The following ZHX1 variants were observed in gnomAD, a reference collection of about 807,000 sequenced individuals.
ZHX1 encodes zinc fingers and homeoboxes 1.
Under a neutral mutation model 61.8 loss-of-function variants are expected in ZHX1, and 20 were observed. That is an observed-to-expected ratio of 0.32 (90% CI 0.23 to 0.47). The LOEUF (loss-of-function observed/expected upper bound fraction) is 0.47. Among genes scored for constraint, ZHX1 ranks in the 20% least tolerant of loss-of-function variants. The pLI, the probability that ZHX1 is intolerant of heterozygous loss-of-function variation, is 1.00. For synonymous variants in ZHX1, 318 were observed against 352.6 expected, an observed-to-expected ratio of 0.90 and a Z score of 1.10; for missense variants, 800 against 1,034.8, an observed-to-expected ratio of 0.77 and a Z score of 3.11.
upstream of ZHX1, among the ~76,000 whole-genome samples, chr8:123,275,065 A>G (rs970051903): frequency 7.2e-5 from 11 of 152,256 alleles, no homozygotes; most frequent in Non-Finnish European, 1.0e-4. Context: ...GTTCAGCTGC[A>G]CTCAGAACCG....
At chr8:123,268,780 T>G (rs1222458022) in intron 1 of ZHX1, among the ~76,000 whole-genome samples, 1 of 152,190 alleles carries the variant, frequency 6.6e-6, no homozygotes, top group Non-Finnish European at 1.5e-5. Flanking sequence ...GCATGATCCC[T>G]AACCGGCCTT....
chr8:123,274,769 G>C (rs1473689463), upstream of ZHX1, among the ~76,000 whole-genome samples: 1 of 152,146 alleles, frequency 6.6e-6, no homozygotes, highest in Non-Finnish European at 1.5e-5. Context: ...GGTCAGCACA[G>C]AAGGCAGCCC....
Position 123,254,442 on chromosome 8 carries a change from C to G in ZHX1, c.1505G>C (p.Gly502Ala). Residue 502 changes from glycine (G) to alanine (A), a missense_variant, in exon 3 of 4, where the codon GGC becomes GCC. By Grantham distance (60) the Gly-to-Ala change is moderately conservative. Transcript: ENST00000395571. The surrounding 1 kb of genome is among the most constrained non-coding windows in gnomAD (Gnocchi z 4.1). The stretch of plus-strand genomic sequence containing the variant: ...TTTTTTAATCTCTCCTTTCGTCAGG[C>G]CTGTTATTTTCATAAGTCTGATAAT... ...SEIIRLMKIT[G>A]LTKGEIKKWF... The G allele has an allele frequency of 6.2e-7, 1 of 1,614,110 alleles. No individual in the cohort carries two copies. Among genetic ancestry groups the G allele is most frequent in the Non-Finnish European group, 8.5e-7 (1 of 1,180,000 alleles).
intron 2 of ZHX1, among the ~76,000 whole-genome samples, chr8:123,263,591 G>C (rs2131211212): frequency 6.6e-6 from 1 of 152,166 alleles, no homozygotes; most frequent in Admixed American, 6.5e-5. Flanking sequence ...CAGCACTTTG[G>C]GAGGCCAAAG....
At chr8:123,266,162 G>A (rs1448777993) in intron 2 of ZHX1, among the ~76,000 whole-genome samples, 1 of 152,144 alleles carries the variant, frequency 6.6e-6, no homozygotes, top group East Asian at 1.9e-4. Flanking sequence ...CTCTTATCTT[G>A]TGAAGAGTTT....
intron 1 of ZHX1, among the ~76,000 whole-genome samples, chr8:123,269,294 G>A (rs1009830967): frequency 7.2e-5 from 11 of 152,184 alleles, no homozygotes; most frequent in Non-Finnish European, 1.3e-4. Flanking sequence ...AGTCTCTTGA[G>A]AAGAGCTGCC....
intron 1 of ZHX1, chr8:123,273,864 A>AG (rs1826746398): frequency 6.6e-6 from 1 of 152,418 alleles, no homozygotes; most frequent in African/African-American, 2.4e-5. Flanking sequence ...TCACCAAGGC[A>AG]GGGGGCTGAG....
chr8:123,263,190 A>C (rs1370235895), intron 2 of ZHX1, among the ~76,000 whole-genome samples: 1 of 152,006 alleles, frequency 6.6e-6, no homozygotes, highest in East Asian at 1.9e-4. Context: ...GATTGGCTCT[A>C]AGAGCTCTCA....
rs372656760 is a variant in ZHX1, at chr8:123,255,721, T to G, written c.226A>C (p.Thr76Pro). The change falls in exon 3 of 4, where the codon ACT (threonine) becomes CCT (proline). Residue 76 changes from threonine to proline, a missense_variant. Coordinates refer to ENST00000395571, the MANE Select transcript of ZHX1 (RefSeq NM_007222.5). The part of the protein sequence containing the change: ...VEGGYECKYC[T>P]FQTPDLNMFT... ...ATATTTAGATCTGGAGTTTGAAAAGTACAATATTTACATTCATATCCACCT... is the reference window on the plus strand; with the variant it reads ...ATATTTAGATCTGGAGTTTGAAAAGGACAATATTTACATTCATATCCACCT... 19 of 1,613,786 alleles carry G rather than the reference T, an allele frequency of 1.2e-5. No individual in the cohort carries two copies. The African/African-American group carries it at 2.5e-4, about 22-fold the overall frequency.
At chr8:123,267,517 C>T in intron 1 of ZHX1, 131 bp from the exon 2 acceptor site, 1 of 383,242 alleles carries the variant, frequency 2.6e-6, no homozygotes, top group Non-Finnish European at 4.6e-6. Flanking sequence ...CTCATCAAAA[C>T]TTTAAAAGAA....
intron 2 of ZHX1, among the ~76,000 whole-genome samples, chr8:123,265,729 A>T (rs1826435946): frequency 6.6e-6 from 1 of 152,238 alleles, no homozygotes; most frequent in South Asian, 2.1e-4. Flanking sequence ...ATAAGTCTCA[A>T]GAAAACTGTA....
chr8:123,254,974 C>A lies in ZHX1; in HGVS notation c.973G>T (p.Glu325Ter). 1 of 1,614,148 alleles carries A rather than the reference C, an allele frequency of 6.2e-7. No individual in the cohort carries two copies. Among genetic ancestry groups the A allele is most frequent in the Non-Finnish European group, 8.5e-7 (1 of 1,180,024 alleles). Residue 325 changes from glutamate to a stop codon, truncating the protein, a stop_gained, in exon 3 of 4, where the codon GAG (glutamate) becomes TAG (stop). Coordinates refer to ENST00000395571, the MANE Select transcript of ZHX1 (RefSeq NM_007222.5). LOFTEE classifies it high-confidence loss of function. The surrounding 1 kb of genome is among the most constrained non-coding windows in gnomAD (Gnocchi z 4.1). The stretch of plus-strand genomic sequence containing the variant: ...GAAAACCATATCTTGATCTGTTCCT[C>A]TGTATATTTTGCTTGAGCAGAAAGA... The part of the protein sequence containing the change: ...TVLSAQAKYT[E>*]EQIKIWFSAQ...
chr8:123,253,564 G>GA lies in ZHX1; in HGVS notation c.2382dup (p.Leu795SerfsTer2). 6.2e-7 allele frequency: 1 copy of GA among 1,614,164 alleles called. No homozygotes were observed. The highest frequency in any genetic ancestry group is 8.5e-7 in the Non-Finnish European group (1 of 1,179,994). Reference sequence around the variant, plus strand: ...AGTTCATCAAGGTCTTGCTCATTAAGAAACTTGTGCTTCAGGTAATAATCC... The same window carrying GA: ...AGTTCATCAAGGTCTTGCTCATTAAGAAAACTTGTGCTTCAGGTAATAATCC... On this transcript the variant is annotated frameshift_variant, in exon 3 of 4. Transcript: ENST00000395571. LOFTEE classifies it high-confidence loss of function.
At chr8:123,251,053 G>A (rs542129740) in intron 3 of ZHX1, among the ~76,000 whole-genome samples, 17 of 152,288 alleles carry the variant, frequency 1.1e-4, no homozygotes, top group Non-Finnish European at 1.9e-4. Context: ...GAGTGTCGGG[G>A]GAGGGAGCCT....
Position 123,253,465 on chromosome 8 carries a change from C to G in ZHX1, c.2482G>C (p.Gly828Arg). ...FAERQRRSELGIELFEENEEE... is the reference protein window; with the variant it reads ...FAERQRRSELRIELFEENEEE... ...TCATTTTCCTCAAATAATTCTATAC[C>G]TAATTCTGATCTTCTCTGTCTTTCT... is the stretch of plus-strand genomic sequence containing the variant. Residue 828 changes from glycine (G) to arginine (R), a missense_variant, in exon 3 of 4, where the codon GGT becomes CGT. Transcript: ENST00000395571. 6.2e-7 allele frequency: 1 copy of G among 1,614,094 alleles called. No individual in the cohort carries two copies. The highest frequency in any genetic ancestry group is 8.5e-7 in the Non-Finnish European group (1 of 1,179,998).
chr8:123,250,667 T>C (rs552085339), intron 3 of ZHX1, among the ~76,000 whole-genome samples: 13 of 152,360 alleles, frequency 8.5e-5, no homozygotes, highest in Non-Finnish European at 1.8e-4. Context: ...AAGATATATA[T>C]GTACCTCACT....
chr8:123,248,947 T>C lies in ZHX1; in HGVS notation c.*1377A>G, dbSNP rs553402330. ...TCAGCTACATTGCAGCATTTTGGAA[T>C]TACTAATAAAGCTATAGTTAAAAAA... On this transcript the variant is annotated 3_prime_UTR_variant, in exon 4 of 4. Transcript: ENST00000395571. 2 of 152,648 alleles carry C rather than the reference T, an allele frequency of 1.3e-5. No homozygotes were observed. Among genetic ancestry groups the C allele is most frequent in the East Asian group, 3.9e-4 (2 of 5,186 alleles). 9.5% of individuals were successfully genotyped at this position (152,648 alleles called of 1,614,324 possible).
chr8:123,252,636 C>T (rs780059680), intron 3 of ZHX1: 6 of 151,994 alleles, frequency 3.9e-5, no homozygotes, highest in African/African-American at 9.7e-5. Flanking sequence ...AGACAGATGC[C>T]GCCTAAGCAA....
At chr8:123,257,555 G>A (rs901541795) in intron 2 of ZHX1, among the ~76,000 whole-genome samples, 1 of 152,174 alleles carries the variant, frequency 6.6e-6, no homozygotes, top group Non-Finnish European at 1.5e-5. Flanking sequence ...ACCAGGGACT[G>A]GTCTCATGGA....
Sources: gnomAD v4.1 joint callset for allele counts (sites outside exome capture counted in the v4.1 genomes callset) on GRCh38, gnomAD v4.1.1 for gene constraint, Gnocchi (gnomAD v3.1) non-coding constraint, MANE v1.5 for transcripts, NCBI Gene and HGNC (gene_info 2026-07-23, HGNC 2026-07-21) for gene names.